SHISA9: variants seen among roughly 807,000 people sequenced by gnomAD.
SHISA9 encodes shisa family member 9, also known as protein shisa-9.
Under a neutral mutation model 38.0 loss-of-function variants are expected in SHISA9, and 13 were observed. The observed-to-expected ratio is 0.34, with a 90% CI of 0.22 to 0.54. The LOEUF is 0.54. SHISA9 is among the 20% of genes least tolerant of loss of function. The probability of loss-of-function intolerance (pLI) is 0.91; values close to 1 mark genes in which losing one functional copy is unlikely to be tolerated. For missense variants in SHISA9, 538 were observed against 575.8 expected (o/e 0.93, Z 0.67); for synonymous variants, 275 against 242.0 (o/e 1.14, Z -1.27).
At chr16:13,006,808 A>C (rs2072603569) in intron 2 of SHISA9, among the ~76,000 whole-genome samples, 1 of 151,692 alleles carries the variant, frequency 6.6e-6, no homozygotes, top group Non-Finnish European at 1.5e-5. Context: ...ACAATTGTCC[A>C]CTCTCTGATC....
the SHISA9 span, among the ~76,000 whole-genome samples, chr16:13,546,725 G>A: frequency 6.6e-6 from 1 of 152,158 alleles, no homozygotes; most frequent in Non-Finnish European, 1.5e-5. Context: ...TTTTTGTAAA[G>A]ACAGTTTTAT....
At chr16:13,098,297 G>A (rs931323910) in intron 2 of SHISA9, among the ~76,000 whole-genome samples, 5 of 152,288 alleles carry the variant, frequency 3.3e-5, no homozygotes, top group African/African-American at 9.6e-5. Flanking sequence ...GGATTGCCAC[G>A]AATCCCATTC....
chr16:13,005,265 G>A (rs1325691773), intron 2 of SHISA9, among the ~76,000 whole-genome samples: 7 of 152,144 alleles, frequency 4.6e-5, no homozygotes, highest in South Asian at 4.1e-4. Context: ...GAGTTCTGAA[G>A]AGAGATTACT....
chr16:13,169,398 T>C (rs572903997), intron 2 of SHISA9, among the ~76,000 whole-genome samples: 1 of 152,294 alleles, frequency 6.6e-6, no homozygotes, highest in African/African-American at 2.4e-5. Context: ...TATTTTACCA[T>C]AATATTAAGC....
At chr16:13,196,085 C>A (rs866638117) in intron 2 of SHISA9, among the ~76,000 whole-genome samples, 1 of 44,488 alleles carries the variant, frequency 2.2e-5, no homozygotes, top group Non-Finnish European at 3.7e-5. Flanking sequence ...AAGACTCTCT[C>A]TCAAAAAAAA....
At chr16:13,297,152 C>G in the SHISA9 span, among the ~76,000 whole-genome samples, 1 of 152,104 alleles carries the variant, frequency 6.6e-6, no homozygotes, top group African/African-American at 2.4e-5. Flanking sequence ...TTTCAGCACA[C>G]TGATGTTCAA....
chr16:13,073,425 G>A (rs367774546), intron 2 of SHISA9, among the ~76,000 whole-genome samples: 1 of 152,162 alleles, frequency 6.6e-6, no homozygotes, highest in Non-Finnish European at 1.5e-5. Flanking sequence ...TGGATGTGGA[G>A]TATTTGCCAA....
At chr16:13,414,005 G>A in the SHISA9 span, among the ~76,000 whole-genome samples, 4 of 152,248 alleles carry the variant, frequency 2.6e-5, no homozygotes, top group African/African-American at 9.6e-5. Flanking sequence ...GGAAATTCCT[G>A]TAACCAGATT....
the SHISA9 span, among the ~76,000 whole-genome samples, chr16:13,472,130 A>G: frequency 6.6e-6 from 1 of 152,178 alleles, no homozygotes; most frequent in Admixed American, 6.5e-5. Context: ...AAGTGGGCTC[A>G]TTGATCTGGA....
At chr16:13,205,104 T>C (rs2051051433) in intron 3 of SHISA9, among the ~76,000 whole-genome samples, 1 of 152,170 alleles carries the variant, frequency 6.6e-6, no homozygotes, top group Non-Finnish European at 1.5e-5. Flanking sequence ...TAGAATCACC[T>C]GGAGAGCAGG....
chr16:13,331,185 A>G, the SHISA9 span, among the ~76,000 whole-genome samples: 1 of 152,160 alleles, frequency 6.6e-6, no homozygotes, highest in African/African-American at 2.4e-5. Flanking sequence ...CATAAATAGA[A>G]AAAAAGAGGG....
intron 2 of SHISA9, among the ~76,000 whole-genome samples, chr16:13,172,368 G>A (rs1329425541): frequency 6.6e-6 from 1 of 152,198 alleles, no homozygotes; most frequent in Non-Finnish European, 1.5e-5. Context: ...AATTAAACAG[G>A]TGGCTTTAGG....
At chr16:13,013,230 C>T (rs1023189568) in intron 2 of SHISA9, among the ~76,000 whole-genome samples, 12 of 152,152 alleles carry the variant, frequency 7.9e-5, no homozygotes, top group Admixed American at 6.6e-5. Flanking sequence ...CAGCTTTGAC[C>T]GGAATCACGT....
At chr16:13,328,664 G>A in the SHISA9 span, among the ~76,000 whole-genome samples, 12 of 151,304 alleles carry the variant, frequency 7.9e-5, no homozygotes, top group Non-Finnish European at 1.3e-4. Context: ...TCAGAGACGT[G>A]ATTTTGCCAC....
chr16:13,183,478 C>T (rs1028878326), intron 2 of SHISA9, among the ~76,000 whole-genome samples: 1 of 152,262 alleles, frequency 6.6e-6, no homozygotes, highest in African/African-American at 2.4e-5. Flanking sequence ...CGTAAGGTTC[C>T]TTAAAAGGCA....
rs115934935 is a variant in SHISA9, at chr16:13,137,937, G to A, written c.692-65457G>A. 4.3e-3 allele frequency among the ~76,000 whole-genome samples: 652 copies of A among 152,144 alleles called. 8 individuals carry two copies. The highest frequency in any genetic ancestry group is 0.015 in the African/African-American group (611 of 41,496). ...CTCGTATTTTTCTTCAGGACTAAGC[G>A]CAAGTAGATTCCCAAGGATGCTGCA... is the stretch of plus-strand genomic sequence containing the variant. On this transcript the variant is annotated intron_variant, in intron 2 of 4. Transcript: ENST00000558583.
At chr16:13,433,872 AT>A in the SHISA9 span, among the ~76,000 whole-genome samples, 1 of 152,170 alleles carries the variant, frequency 6.6e-6, no homozygotes, top group South Asian at 2.1e-4. Flanking sequence ...GCTTGGTGAT[AT>A]TGCTTGTGTG....
chr16:13,319,470 C>T, the SHISA9 span, among the ~76,000 whole-genome samples: 2 of 152,124 alleles, frequency 1.3e-5, no homozygotes, highest in Non-Finnish European at 2.9e-5. Context: ...GAATAAGAGA[C>T]GATAATGTTT....
the SHISA9 span, among the ~76,000 whole-genome samples, chr16:13,556,232 A>G: frequency 6.6e-6 from 1 of 152,176 alleles, no homozygotes; most frequent in Non-Finnish European, 1.5e-5. Flanking sequence ...TGACTCGGGT[A>G]TTTTTATTAT....
Sources: allele counts gnomAD v4.1 joint callset (sites outside exome capture counted in the v4.1 genomes callset), GRCh38; gene constraint gnomAD v4.1.1; transcripts MANE v1.5; gene names NCBI Gene and HGNC (gene_info 2026-07-23, HGNC 2026-07-21).